ERBB4: variants seen among roughly 807,000 people sequenced by gnomAD.
The protein encoded by ERBB4 is receptor tyrosine-protein kinase erbB-4.
In ERBB4, 42 loss-of-function variants were observed where a neutral mutation model predicts 158.0. That is an observed-to-expected ratio of 0.27 (90% CI 0.21 to 0.34). ERBB4 has a LOEUF of 0.34. ERBB4 is among the 10% of genes least tolerant of loss of function. The probability of loss-of-function intolerance (pLI) is 1.00; values close to 1 mark genes in which losing one functional copy is unlikely to be tolerated. For synonymous variants in ERBB4, 583 were observed against 558.7 expected (o/e 1.04, Z -0.61); for missense variants, 1,333 against 1,624.1 (o/e 0.82, Z 3.08).
chr2:211,508,356 C>A (rs2065801840), intron 20 of ERBB4, among the ~76,000 whole-genome samples: 1 of 151,990 alleles, frequency 6.6e-6, no homozygotes, highest in Non-Finnish European at 1.5e-5. Flanking sequence ...CATTTTGCAG[C>A]CAACAAACAT....
At chr2:212,107,745 T>G (rs945814156) in intron 2 of ERBB4, among the ~76,000 whole-genome samples, 11 of 152,142 alleles carry the variant, frequency 7.2e-5, no homozygotes, top group Admixed American at 2.6e-4. Flanking sequence ...TGGGAGGTAA[T>G]TGAATCTTGG....
chr2:211,819,459 C>T (rs1259395026), intron 3 of ERBB4, among the ~76,000 whole-genome samples: 4 of 151,868 alleles, frequency 2.6e-5, no homozygotes, highest in Non-Finnish European at 5.9e-5. Context: ...AAACTTGTCT[C>T]GAGGACTAGA....
chr2:212,078,858 T>C (rs1363910436), intron 2 of ERBB4, among the ~76,000 whole-genome samples: 2 of 151,248 alleles, frequency 1.3e-5, no homozygotes, highest in Non-Finnish European at 3.0e-5. Context: ...CTAGTTACCA[T>C]TTTATACTGA....
intron 7 of ERBB4, among the ~76,000 whole-genome samples, chr2:211,720,270 C>T (rs543384531): frequency 6.6e-6 from 1 of 152,220 alleles, no homozygotes; most frequent in African/African-American, 2.4e-5. Flanking sequence ...CACATTCCAG[C>T]CCAGTCATTC....
At chr2:212,504,952 T>C (rs1691106443) in intron 1 of ERBB4, among the ~76,000 whole-genome samples, 1 of 152,216 alleles carries the variant, frequency 6.6e-6, no homozygotes, top group African/African-American at 2.4e-5. Context: ...AAAGTTATGG[T>C]TGTAGATTTT....
At chr2:212,372,241 A>G (rs2106386568) in intron 1 of ERBB4, among the ~76,000 whole-genome samples, 1 of 152,278 alleles carries the variant, frequency 6.6e-6, no homozygotes, top group South Asian at 2.1e-4. Flanking sequence ...ACAGTTACTT[A>G]AGGCCTTCCC....
chr2:211,915,918 C>G (rs1156927189), intron 3 of ERBB4, among the ~76,000 whole-genome samples: 1 of 151,648 alleles, frequency 6.6e-6, no homozygotes, highest in Non-Finnish European at 1.5e-5. Flanking sequence ...AAAATATTAA[C>G]ATTAATTCTT....
chr2:211,740,734 C>A (rs2074763925), intron 5 of ERBB4, among the ~76,000 whole-genome samples: 1 of 150,056 alleles, frequency 6.7e-6, no homozygotes, highest in African/African-American at 2.5e-5. Context: ...CCTCAGCTTC[C>A]CGAGTAGCTG....
At chr2:212,183,061 T>C (rs931677312) in intron 1 of ERBB4, among the ~76,000 whole-genome samples, 1 of 151,808 alleles carries the variant, frequency 6.6e-6, no homozygotes, top group African/African-American at 2.4e-5. Flanking sequence ...GAATCTGCTA[T>C]AAAATTTAAA....
Position 211,773,627 on chromosome 2 carries a change from TA to T in ERBB4, c.556+14397del, listed in dbSNP as rs1414258538. Among the ~76,000 whole-genome samples the T allele has an allele frequency of 8.0e-4, 42 of 52,278 alleles. 2 individuals carry two copies. Among genetic ancestry groups the T allele is most frequent in the South Asian group, 4.1e-3 (8 of 1,938 alleles). The allele number at this position is 52,278 out of a possible 152,430, so 34.3% of individuals were successfully genotyped here. ...ATATATATATATATATATATATATATATATATATATATATATATATAATATA... is the reference window on the plus strand; with the variant it reads ...ATATATATATATATATATATATATATTATATATATATATATATATAATATA... On this transcript the variant is annotated intron_variant, in intron 4 of 27. Coordinates refer to ENST00000342788, the MANE Select transcript of ERBB4 (RefSeq NM_005235.3).
intron 2 of ERBB4, among the ~76,000 whole-genome samples, chr2:211,948,659 TA>T (rs1034957969): frequency 1.3e-5 from 2 of 151,484 alleles, no homozygotes; most frequent in Non-Finnish European, 2.9e-5. Context: ...TGTCAGAATT[TA>T]AAAAAAACTA....
chr2:211,750,269 TG>T (rs888736919), intron 5 of ERBB4, among the ~76,000 whole-genome samples: 6 of 152,136 alleles, frequency 3.9e-5, no homozygotes, highest in African/African-American at 1.4e-4. Flanking sequence ...TTGTAATGAA[TG>T]AATAGTGAAA....
chr2:211,539,447 C>A (rs2066739768), intron 20 of ERBB4, among the ~76,000 whole-genome samples: 1 of 151,970 alleles, frequency 6.6e-6, no homozygotes, highest in African/African-American at 2.4e-5. Flanking sequence ...ATAAGCACAT[C>A]TGCGTCTTTT....
At chr2:211,393,029 T>TAAA (rs1003499265) in intron 25 of ERBB4, among the ~76,000 whole-genome samples, 3 of 152,148 alleles carry the variant, frequency 2.0e-5, no homozygotes, top group Non-Finnish European at 4.4e-5. Flanking sequence ...CTCATTTAAT[T>TAAA]AAAAAATTGA....
chr2:212,452,207 T>C (rs1369136636), intron 1 of ERBB4, among the ~76,000 whole-genome samples: 1 of 152,126 alleles, frequency 6.6e-6, no homozygotes, highest in African/African-American at 2.4e-5. Flanking sequence ...TTGCATATTT[T>C]ATTAACACAT....
At chr2:211,459,472 G>A (rs567976890) in intron 20 of ERBB4, among the ~76,000 whole-genome samples, 8 of 152,302 alleles carry the variant, frequency 5.3e-5, no homozygotes, top group Admixed American at 2.6e-4. Context: ...TCACCCAAAT[G>A]TCATCTTGAA....
At chr2:211,885,814 G>C (rs1370904005) in intron 3 of ERBB4, among the ~76,000 whole-genome samples, 1 of 152,104 alleles carries the variant, frequency 6.6e-6, no homozygotes, top group Non-Finnish European at 1.5e-5. Flanking sequence ...ATTAAGGGAA[G>C]CAATATCAGT....
intron 1 of ERBB4, among the ~76,000 whole-genome samples, chr2:212,214,280 C>T (rs1381878417): frequency 2.0e-5 from 3 of 151,656 alleles, no homozygotes; most frequent in African/African-American, 7.3e-5. Flanking sequence ...CTGTGGCTCT[C>T]GCATGCTTGA....
chr2:212,461,998 G>A (rs1195231056), intron 1 of ERBB4, among the ~76,000 whole-genome samples: 1 of 152,172 alleles, frequency 6.6e-6, no homozygotes, highest in Non-Finnish European at 1.5e-5. Context: ...AACTGTAAGT[G>A]CAATTAAACT....
Sources: gnomAD v4.1 joint callset for allele counts (sites outside exome capture counted in the v4.1 genomes callset) on GRCh38, gnomAD v4.1.1 for gene constraint, MANE v1.5 for transcripts, NCBI Gene and HGNC (gene_info 2026-07-23, HGNC 2026-07-21) for gene names.